CHRNA4: variants seen among roughly 807,000 people sequenced by gnomAD.
CHRNA4 encodes cholinergic receptor nicotinic alpha 4 subunit, also known as neuronal acetylcholine receptor subunit alpha-4.
In CHRNA4, 28 loss-of-function variants were observed where a neutral mutation model predicts 48.9. That is an observed-to-expected ratio of 0.57 (90% CI 0.42 to 0.79). The LOEUF is 0.79. Ranked by LOEUF, CHRNA4 falls within the 30% of genes least tolerant of loss-of-function variation. CHRNA4 has a pLI of 0.00. For missense variants in CHRNA4, 859 were observed against 898.4 expected, an observed-to-expected ratio of 0.96 and a Z score of 0.56; for synonymous variants, 425 against 402.3, an observed-to-expected ratio of 1.06 and a Z score of -0.68.
Position 63,343,838 on chromosome 20 carries a change from T to C in CHRNA4, c.*2900A>G, listed in dbSNP as rs563356999. On this transcript the variant is annotated 3_prime_UTR_variant, in exon 6 of 6. Coordinates refer to ENST00000370263, the MANE Select transcript of CHRNA4 (RefSeq NM_000744.7). ...ACAGGGCGGGGAAACGTTGGCTTAG[T>C]GTGAGACTTTGATAGGGGGTCGGGG... The C allele has an allele frequency of 1.5e-4, 67 of 454,122 alleles. 1 individual carries two copies. Among genetic ancestry groups the C allele is most frequent in the Admixed American group, 7.0e-4 (30 of 42,578 alleles). 28.1% of individuals were successfully genotyped at this position (454,122 alleles called of 1,614,324 possible). A position where few individuals can be genotyped will look rare whatever the true frequency, so the allele number is the denominator to read the frequency against.
At chr20:63,347,971 C>A (rs1265115264) in intron 5 of CHRNA4, among the ~76,000 whole-genome samples, 1 of 152,268 alleles carries the variant, frequency 6.6e-6, no homozygotes, top group Non-Finnish European at 1.5e-5. Flanking sequence ...CCTGCCCAGG[C>A]CTCGGCTCTG....
chr20:63,361,008 A>C (rs1176911885), intron 1 of CHRNA4, 82 bp downstream of exon 1: 1 of 1,159,754 alleles, frequency 8.6e-7, no homozygotes, highest in Non-Finnish European at 1.1e-6. Flanking sequence ...CGCAGTCAGG[A>C]GCCTGCCTCC....
In CHRNA4 at chr20:63,346,734, C is replaced by G. The variant is rs1402204232; in HGVS notation, c.*4G>C. 4 of 1,607,600 alleles carry G rather than the reference C, an allele frequency of 2.5e-6. No homozygotes were observed. Among genetic ancestry groups the G allele is most frequent in the Admixed American group, 1.7e-5 (1 of 59,772 alleles). On this transcript the variant is annotated 3_prime_UTR_variant, in exon 6 of 6. Coordinates refer to ENST00000370263, the MANE Select transcript of CHRNA4 (RefSeq NM_000744.7). ...CCCAGGCCACGCAGGCTCCCGGTCCCTTCCTAGATCATGCCAGCCAGCCAG... is the reference window on the plus strand; with the variant it reads ...CCCAGGCCACGCAGGCTCCCGGTCCGTTCCTAGATCATGCCAGCCAGCCAG...
At chr20:63,347,039 C>A in intron 5 of CHRNA4, 176 bp from the exon 6 acceptor site, 1 of 880,012 alleles carries the variant, frequency 1.1e-6, no homozygotes, top group Non-Finnish European at 1.8e-6. Context: ...TTGGGGTGCA[C>A]GGGACAGCCA....
At chr20:63,352,832 C>CCAGCCCCCAGGTCTCA (rs1555838662) in intron 4 of CHRNA4, among the ~76,000 whole-genome samples, 1 of 151,584 alleles carries the variant, frequency 6.6e-6, no homozygotes, top group African/African-American at 2.4e-5. Context: ...GCCAGGTCCC[C>CCAGCCCCCAGGTCTCA]CAGCCCCCAG....
In CHRNA4 at chr20:63,344,454, T is replaced by G. The variant is rs1349355084; in HGVS notation, c.*2284A>C. 8.9e-6 allele frequency: 4 copies of G among 451,456 alleles called. No individual in the cohort carries two copies. The highest frequency in any genetic ancestry group is 6.1e-5 in the African/African-American group (3 of 49,110). The allele number at this position is 451,456 out of a possible 1,614,324, so 28.0% of individuals were successfully genotyped here. ...TGTTGTCAAGGTTAATTTGGCGTGG[T>G]GGGAATATGGTGCTTTATTTGGATT... On this transcript the variant is annotated 3_prime_UTR_variant, in exon 6 of 6. Coordinates refer to ENST00000370263, the MANE Select transcript of CHRNA4 (RefSeq NM_000744.7). This position sits in a 1 kb window ranked among gnomAD's most constrained non-coding sequence, Gnocchi z 4.5.
In CHRNA4 at chr20:63,352,448, A is replaced by G. The variant is rs536133360; in HGVS notation, c.384-1421T>C. The stretch of plus-strand genomic sequence containing the variant: ...AACACCGCCGGCTGGGCTGCCGCTC[A>G]GCTGCAGAGGGAGGGAGACCCAGCA... On this transcript the variant is annotated intron_variant, in intron 4 of 5. Coordinates refer to ENST00000370263, the MANE Select transcript of CHRNA4 (RefSeq NM_000744.7). Among the ~76,000 whole-genome samples the G allele has an allele frequency of 2.6e-3, 394 of 152,260 alleles. 1 individual carries two copies. Among genetic ancestry groups the G allele is most frequent in the Non-Finnish European group, 4.6e-3 (314 of 68,014 alleles).
intron 1 of CHRNA4, chr20:63,359,993 TG>T: frequency 2.4e-6 from 1 of 408,550 alleles, no homozygotes; most frequent in South Asian, 2.3e-5. Flanking sequence ...GGTGTAATTG[TG>T]ATTTCCTCGG....
intron 5 of CHRNA4, among the ~76,000 whole-genome samples, chr20:63,347,702 G>C (rs759688927): frequency 1.3e-5 from 2 of 152,352 alleles, no homozygotes; most frequent in East Asian, 1.9e-4. Context: ...GCTCTGCCGT[G>C]TAGGACCTGA....
intron 4 of CHRNA4, among the ~76,000 whole-genome samples, chr20:63,352,907 G>A (rs1024566994): frequency 7.1e-6 from 1 of 139,948 alleles, no homozygotes; most frequent in Admixed American, 7.0e-5. Context: ...GGCTCCAGCC[G>A]CCCTCTGGGG....
rs1568807461 is a variant in CHRNA4, at chr20:63,349,579, A to G, written c.1758+74T>C. 6.9e-6 allele frequency: 11 copies of G among 1,586,804 alleles called. No individual in the cohort carries two copies. The Admixed American group carries it at 1.7e-4, about 24-fold the overall frequency. ...GGCCTGGGCCCGGCTCCTGGATTAC[A>G]CACCAGGAAGAAAGGGCGTCCGCCG... On this transcript the variant is annotated intron_variant, in intron 5 of 5. Transcript: ENST00000370263.
At chr20:63,349,577 A>G in intron 5 of CHRNA4, 76 bp downstream of exon 5, 1 of 1,569,384 alleles carries the variant, frequency 6.4e-7, no homozygotes, top group South Asian at 1.1e-5. Flanking sequence ...CTCCTGGATT[A>G]CACACCAGGA....
rs2068501936 is a variant in CHRNA4 at position 63,346,742 on chromosome 20, A to C, written c.1880T>G (p.Ile627Ser). 1 of 1,608,954 alleles carries C rather than the reference A, an allele frequency of 6.2e-7. No homozygotes were observed. The highest frequency in any genetic ancestry group is 1.3e-5 in the African/African-American group (1 of 74,896). ...ACGCAGGCTCCCGGTCCCTTCCTAG[A>C]TCATGCCAGCCAGCCAGGGCGGCAG... The part of the protein sequence containing the change: ...LFLPPWLAGM[I>S] Residue 627 changes from isoleucine (I) to serine (S), a missense_variant, in exon 6 of 6, where the codon ATC becomes AGC. Around this residue, in one of 3 missense-constraint regions of CHRNA4, gnomAD observed 478 missense variants for 455.4 expected, o/e 1.05. Transcript: ENST00000370263.
intron 5 of CHRNA4, 139 bp from the exon 6 acceptor site, chr20:63,347,002 G>A (rs536332563): frequency 5.2e-5 from 66 of 1,270,934 alleles, no homozygotes; most frequent in African/African-American, 4.7e-4. Flanking sequence ...TGGTGCACGC[G>A]GCACACAGCT....
rs1162710533 is a variant in CHRNA4, at chr20:63,349,819, C to A, written c.1592G>T (p.Cys531Phe). 2 of 1,601,600 alleles carry A rather than the reference C, an allele frequency of 1.2e-6. No homozygotes were observed. Among genetic ancestry groups the A allele is most frequent in the Non-Finnish European group, 8.5e-7 (1 of 1,171,392 alleles). Residue 531 changes from cysteine to phenylalanine, a missense_variant, in exon 5 of 6, where the codon TGC (cysteine) becomes TTC (phenylalanine). By Grantham distance (205) the Cys-to-Phe change is radical (BLOSUM62 -2). Transcript: ENST00000370263. Reference protein sequence around the residue: ...PPPDQPSPCKCTCKKEPSSVS... With the variant: ...PPPDQPSPCKFTCKKEPSSVS... ...CGAAGAGGGCTCCTTCTTGCATGTG[C>A]ATTTGCACGGAGAGGGCTGGTCTGG... is the stretch of plus-strand genomic sequence containing the variant.
At position 63,351,179 on chromosome 20, in the gene CHRNA4, A is replaced by AGCCACG. The variant is rs1568811597; in HGVS notation, c.384-153_384-152insCGTGGC. ...CGCCCACATCCACGTCCACGCCCAC[A>AGCCACG]TCCATGTCCCACGCCCACATCCACA... On this transcript the variant is annotated intron_variant, in intron 4 of 5. Coordinates refer to ENST00000370263, the MANE Select transcript of CHRNA4 (RefSeq NM_000744.7). The AGCCACG allele has an allele frequency of 2.1e-5, 11 of 532,056 alleles. 1 individual carries two copies. The East Asian group carries it at 3.7e-4, about 18-fold the overall frequency. 33.0% of individuals were successfully genotyped at this position (532,056 alleles called of 1,614,324 possible). A position where few individuals can be genotyped will look rare whatever the true frequency, so the allele number is the denominator to read the frequency against.
At chr20:63,353,219 C>T (rs1393956911) in intron 4 of CHRNA4, among the ~76,000 whole-genome samples, 1 of 152,242 alleles carries the variant, frequency 6.6e-6, no homozygotes, top group Admixed American at 6.5e-5. Flanking sequence ...TGGCCGGCCA[C>T]CAGCCACAGC....
chr20:63,352,443 C>T (rs1311188028), intron 4 of CHRNA4, among the ~76,000 whole-genome samples: 2 of 152,314 alleles, frequency 1.3e-5, no homozygotes, highest in East Asian at 1.9e-4. Flanking sequence ...GCTGGGCTGC[C>T]GCTCAGCTGC....
rs200528988 is a variant in CHRNA4 at position 63,350,193 on chromosome 20, C to T, written c.1218G>A (p.Pro406=). 33 of 1,597,788 alleles carry T rather than the reference C, an allele frequency of 2.1e-5. No individual in the cohort carries two copies. Among genetic ancestry groups the T allele is most frequent in the South Asian group, 3.3e-5 (3 of 89,630 alleles). Residue 406 remains proline, a synonymous_variant, in exon 5 of 6, where the codon CCG becomes CCA. Transcript: ENST00000370263. ...GCACATCCAGGGGGACACAGAAGGA[C>T]GGTGAGGGCGGGTGCAGGCTCTGGG... ...SGTQSLHPPS[P]SFCVPLDVPA... is the part of the protein sequence containing the mutation.
Sources: gnomAD v4.1 joint callset for allele counts (sites outside exome capture counted in the v4.1 genomes callset) on GRCh38, gnomAD v4.1.1 for gene constraint, gnomAD v4.1.1 regional missense constraint, Gnocchi (gnomAD v3.1) non-coding constraint, MANE v1.5 for transcripts, NCBI Gene and HGNC (gene_info 2026-07-23, HGNC 2026-07-21) for gene names.